RALGAPB: variants seen among roughly 807,000 people sequenced by gnomAD.
The protein encoded by RALGAPB is ral GTPase-activating protein subunit beta.
RALGAPB carries 25 observed loss-of-function variants against 161.1 expected under a neutral mutation model. The ratio of observed to expected loss-of-function variants is 0.16; its 90% confidence interval spans 0.11 to 0.22. The LOEUF is 0.22. Among genes scored for constraint, RALGAPB ranks in the 10% least tolerant of loss-of-function variants. The probability of loss-of-function intolerance (pLI) is 1.00; values close to 1 mark genes in which losing one functional copy is unlikely to be tolerated. For synonymous variants in RALGAPB, 629 were observed against 626.1 expected, an observed-to-expected ratio of 1.00 and a Z score of -0.07; for missense variants, 1,391 against 1,815.2, an observed-to-expected ratio of 0.77 and a Z score of 4.25.
chr20:38,492,021 G>A (rs2085294412), intron 2 of RALGAPB, among the ~76,000 whole-genome samples: 1 of 151,782 alleles, frequency 6.6e-6, no homozygotes, highest in Admixed American at 6.6e-5. Context: ...TTGCAAATTG[G>A]GGTTTCTCAT....
chr20:38,573,634 C>G (rs2088324447), intron 28 of RALGAPB: 1 of 152,242 alleles, frequency 6.6e-6, no homozygotes, highest in Non-Finnish European at 1.5e-5. Flanking sequence ...CTCCCAACGT[C>G]CTTCCCCACC....
In RALGAPB at chr20:38,535,108, T is replaced by G; in HGVS notation, c.2280T>G (p.Ile760Met). The change falls in exon 16 of 30, where the codon ATT (isoleucine) becomes ATG (methionine). Residue 760 changes from isoleucine (I) to methionine (M), a missense_variant. By Grantham distance (10) the Ile-to-Met change is conservative (BLOSUM62 1). Coordinates refer to ENST00000262879, the MANE Select transcript of RALGAPB (RefSeq NM_020336.4). ...CAGATTCAGCTGCTGGGCTCCTGAT[T>G]CGCAGCATTCATCTCGTCACCCAAA... The part of the protein sequence containing the change: ...LNTDSAAGLL[I>M]RSIHLVTQRL... The G allele has an allele frequency of 6.2e-7, 1 of 1,614,014 alleles. No individual in the cohort carries two copies. Among genetic ancestry groups the G allele is most frequent in the Non-Finnish European group, 8.5e-7 (1 of 1,179,842 alleles).
chr20:38,479,542 C>T (rs955749465), intron 1 of RALGAPB, among the ~76,000 whole-genome samples: 3 of 152,192 alleles, frequency 2.0e-5, no homozygotes, highest in African/African-American at 7.2e-5. Flanking sequence ...TTACCCAGCA[C>T]ACACAACCTC....
intron 23 of RALGAPB, among the ~76,000 whole-genome samples, chr20:38,560,026 A>G (rs571216104): frequency 1.3e-5 from 2 of 152,300 alleles, no homozygotes; most frequent in Admixed American, 6.5e-5. Context: ...AAATTTACCA[A>G]AGTTTCCAAA....
chr20:38,539,849 G>T lies in RALGAPB; in HGVS notation c.2453G>T (p.Cys818Phe). Reference protein sequence around the residue: ...SSVCTYIVYQCSRPAPLHSRD... With the variant: ...SSVCTYIVYQFSRPAPLHSRD... ...GTGTGCACCTACATTGTTTATCAGT[G>T]TAGTCGGCCAGCTCCTTTACACTCC... The change falls in exon 17 of 30, where the codon TGT becomes TTT. Residue 818 changes from cysteine (C) to phenylalanine (F), a missense_variant. Around this residue, in one of 3 missense-constraint regions of RALGAPB, gnomAD observed 946 missense variants for 1,257.2 expected, o/e 0.75. Coordinates refer to ENST00000262879, the MANE Select transcript of RALGAPB (RefSeq NM_020336.4). 1 of 1,614,146 alleles carries T rather than the reference G, an allele frequency of 6.2e-7. No individual in the cohort carries two copies. The highest frequency in any genetic ancestry group is 8.5e-7 in the Non-Finnish European group (1 of 1,180,004).
In RALGAPB at chr20:38,517,597, A is replaced by C; in HGVS notation, c.1143A>C (p.Pro381=). 4.3e-6 allele frequency: 7 copies of C among 1,613,660 alleles called. No individual in the cohort carries two copies. The highest frequency in any genetic ancestry group is 5.1e-6 in the Non-Finnish European group (6 of 1,179,892). The change falls in exon 8 of 30, where the codon CCA becomes CCC. Residue 381 remains proline, a synonymous_variant. Transcript: ENST00000262879. ...PQSAAVSTTP[P]HNRRHRAVTV... ...GTGCTGCTGTCAGTACCACCCCCCC[A>C]CATAACCGGAGGCACCGGGCTGTTA...
intron 20 of RALGAPB, among the ~76,000 whole-genome samples, chr20:38,549,581 CAT>C (rs1044364945): frequency 7.8e-5 from 6 of 76,820 alleles, no homozygotes; most frequent in East Asian, 2.2e-3. Flanking sequence ...CACACACATA[CAT>C]ATACACACAC....
chr20:38,517,684 A>G (rs376219423), intron 8 of RALGAPB, 30 bp downstream of exon 8: 30 of 1,611,548 alleles, frequency 1.9e-5, no homozygotes, highest in Middle Eastern at 1.7e-4. Flanking sequence ...TTGTTATGCT[A>G]TATAAGGTTG....
intron 16 of RALGAPB, among the ~76,000 whole-genome samples, chr20:38,538,918 C>T (rs139441212): frequency 3.9e-5 from 6 of 152,080 alleles, no homozygotes; most frequent in African/African-American, 7.2e-5. Context: ...GAACATTTAT[C>T]GATATAAATA....
intron 3 of RALGAPB, among the ~76,000 whole-genome samples, chr20:38,495,935 T>TG (rs1286903196): frequency 6.6e-6 from 1 of 152,184 alleles, no homozygotes; most frequent in East Asian, 1.9e-4. Context: ...CATGCACTCT[T>TG]GGAAGGGTGT....
rs1460696055 is a variant in RALGAPB at position 38,529,398 on chromosome 20, G to T, written c.2051-1769G>T. 4.6e-5 allele frequency among the ~76,000 whole-genome samples: 7 copies of T among 152,048 alleles called. No individual in the cohort carries two copies. In the East Asian group the frequency reaches 7.7e-4, roughly 17 times the overall value. On this transcript the variant is annotated intron_variant, in intron 13 of 29. Coordinates refer to ENST00000262879, the MANE Select transcript of RALGAPB (RefSeq NM_020336.4). The stretch of plus-strand genomic sequence containing the variant: ...CAGGGTGTGATGGCACATGCCTGTA[G>T]TCTCAGCTACTTGGGAGGCTGAGAT...
At chr20:38,493,801 C>G (rs147443847) in intron 3 of RALGAPB, among the ~76,000 whole-genome samples, 11 of 152,278 alleles carry the variant, frequency 7.2e-5, no homozygotes, top group African/African-American at 2.6e-4. Flanking sequence ...AGAGAAGTCT[C>G]CAGAACTCTG....
In RALGAPB at chr20:38,517,836, C is replaced by T. The variant is rs150398927; in HGVS notation, c.1253C>T (p.Pro418Leu). The stretch of plus-strand genomic sequence containing the variant: ...CAGCACCAGACGTCCTCCACCTCTC[C>T]TCTGTCAAGTCCAAATCAGACTAGT... ...KVQHQTSSTS[P>L]LSSPNQTSSE... Residue 418 changes from proline (P) to leucine (L), a missense_variant, in exon 9 of 30, where the codon CCT (proline) becomes CTT (leucine). This residue lies in a region of RALGAPB where 946 missense variants were observed against 1,257.2 expected (regional missense o/e 0.75). Coordinates refer to ENST00000262879, the MANE Select transcript of RALGAPB (RefSeq NM_020336.4). 3 of 1,614,100 alleles carry T rather than the reference C, an allele frequency of 1.9e-6. No individual in the cohort carries two copies. The highest frequency in any genetic ancestry group is 3.3e-5 in the Admixed American group (2 of 60,026).
At chr20:38,555,792 A>G (rs1353149266) in intron 22 of RALGAPB, among the ~76,000 whole-genome samples, 1 of 152,220 alleles carries the variant, frequency 6.6e-6, no homozygotes. Flanking sequence ...GAACCTTAGA[A>G]TATTTCTAAT....
chr20:38,573,840 A>T (rs976157513), intron 28 of RALGAPB: 6 of 180,290 alleles, frequency 3.3e-5, no homozygotes, highest in African/African-American at 1.4e-4. Flanking sequence ...GCAGCAGAGT[A>T]CTCTTGGCCT....
chr20:38,562,481 A>G, intron 23 of RALGAPB, 51 bp from the exon 24 acceptor site: 1 of 1,405,448 alleles, frequency 7.1e-7, no homozygotes, highest in Non-Finnish European at 9.7e-7. Flanking sequence ...ATTTATTTTG[A>G]TATATTATTT....
At chr20:38,498,514 C>G (rs1438429741) in intron 4 of RALGAPB, among the ~76,000 whole-genome samples, 3 of 152,228 alleles carry the variant, frequency 2.0e-5, no homozygotes, top group African/African-American at 7.2e-5. Flanking sequence ...TAGTAATACT[C>G]TGTCTGGTAT....
At chr20:38,537,639 A>G (rs963497973) in intron 16 of RALGAPB, 1 of 152,222 alleles carries the variant, frequency 6.6e-6, no homozygotes, top group African/African-American at 2.4e-5. Flanking sequence ...ATGACAGATC[A>G]CAGGCTGGGA....
At chr20:38,524,398 CTGT>C (rs1224138385) in intron 10 of RALGAPB, among the ~76,000 whole-genome samples, 2 of 152,140 alleles carry the variant, frequency 1.3e-5, no homozygotes, top group African/African-American at 2.4e-5. Flanking sequence ...GTACTGCAGC[CTGT>C]TGTTTTGTTT....
Sources: allele counts gnomAD v4.1 joint callset (sites outside exome capture counted in the v4.1 genomes callset), GRCh38; gene constraint gnomAD v4.1.1; regional missense constraint gnomAD v4.1.1; transcripts MANE v1.5; gene names NCBI Gene and HGNC (gene_info 2026-07-23, HGNC 2026-07-21).